RDX: variants seen among roughly 807,000 people sequenced by gnomAD.
The protein encoded by RDX is deafness, autosomal recessive 24.
A neutral mutation model predicts 83.7 loss-of-function variants in RDX; 32 were observed. The observed-to-expected ratio is 0.38, with a 90% CI of 0.29 to 0.51. The LOEUF is 0.51. Ranked by LOEUF, RDX falls within the 20% of genes least tolerant of loss-of-function variation. The probability of loss-of-function intolerance (pLI) is 0.87; values close to 1 mark genes in which losing one functional copy is unlikely to be tolerated. For synonymous variants in RDX, 229 were observed against 222.7 expected (o/e 1.03, Z -0.25); for missense variants, 600 against 689.9 (o/e 0.87, Z 1.46).
intron 9 of RDX, among the ~76,000 whole-genome samples, chr11:110,251,644 T>G (rs1410794324): frequency 6.6e-6 from 1 of 152,210 alleles, no homozygotes; most frequent in Non-Finnish European, 1.5e-5. Context: ...GGTATGTAAC[T>G]CTAAACTGTA....
chr11:110,208,939 A>C (rs779790338), intron 14 of RDX, among the ~76,000 whole-genome samples: 2 of 152,222 alleles, frequency 1.3e-5, no homozygotes, highest in Non-Finnish European at 2.9e-5. Flanking sequence ...CTGGGCAACA[A>C]GAGCAAAACT....
At chr11:110,246,769 C>T (rs1041299084) in intron 10 of RDX, among the ~76,000 whole-genome samples, 2 of 151,588 alleles carry the variant, frequency 1.3e-5, no homozygotes, top group Admixed American at 6.6e-5. Flanking sequence ...AAAAAAGCTC[C>T]GATTTTGGAT....
chr11:110,281,172 CAAAAA>C (rs1241449130), intron 1 of RDX, among the ~76,000 whole-genome samples: 2 of 151,348 alleles, frequency 1.3e-5, no homozygotes, highest in Non-Finnish European at 2.9e-5. Flanking sequence ...TTCTAAAAAA[CAAAAA>C]AAGAAAAGAT....
chr11:110,230,994 T>C lies in RDX; in HGVS notation c.*875A>G, dbSNP rs1323933862. 2 of 152,618 alleles carry C rather than the reference T, an allele frequency of 1.3e-5. No homozygotes were observed. The highest frequency in any genetic ancestry group is 2.9e-5 in the Non-Finnish European group (2 of 68,032). The allele number at this position is 152,618 out of a possible 1,614,324, so 9.5% of individuals were successfully genotyped here. On this transcript the variant is annotated 3_prime_UTR_variant, in exon 14 of 14. Coordinates refer to ENST00000645495, the MANE Select transcript of RDX (RefSeq NM_002906.4). ...AACATTAGTTACCAACAAATGTATA[T>C]TTTCTTTTTTTAACTAATCATTTGT... is the stretch of plus-strand genomic sequence containing the variant.
At chr11:110,277,731 T>C (rs1175130741) in intron 2 of RDX, among the ~76,000 whole-genome samples, 1 of 152,212 alleles carries the variant, frequency 6.6e-6, no homozygotes. Context: ...GAACTTTATA[T>C]GGCAATTATT....
At chr11:110,224,327 A>G (rs1390225244) in intron 14 of RDX, among the ~76,000 whole-genome samples, 1 of 152,208 alleles carries the variant, frequency 6.6e-6, no homozygotes, top group Non-Finnish European at 1.5e-5. Flanking sequence ...TATTGTTATA[A>G]GCATTATTCT....
intron 1 of RDX, among the ~76,000 whole-genome samples, chr11:110,290,658 G>A (rs545860106): frequency 5.9e-5 from 9 of 152,224 alleles, no homozygotes; most frequent in East Asian, 1.9e-4. Context: ...CCAAATGTAC[G>A]ACTGACATCT....
chr11:110,255,636 TA>T (rs1158986998), intron 7 of RDX, among the ~76,000 whole-genome samples: 1 of 152,156 alleles, frequency 6.6e-6, no homozygotes, highest in Admixed American at 6.5e-5. Context: ...TAAAATTATC[TA>T]AAAAAACTAC....
chr11:110,288,932 T>C (rs532465716), intron 1 of RDX, among the ~76,000 whole-genome samples: 102 of 151,984 alleles, frequency 6.7e-4, no homozygotes, highest in Non-Finnish European at 1.1e-3. Flanking sequence ...AACATGAACA[T>C]GGGGAACAAA....
chr11:110,268,132 ACTCTGT>A (rs1305973642), intron 3 of RDX, among the ~76,000 whole-genome samples: 2 of 151,950 alleles, frequency 1.3e-5, no homozygotes, highest in African/African-American at 4.8e-5. Context: ...ACATGGTGAC[ACTCTGT>A]CTCTACTAAA....
intron 14 of RDX, among the ~76,000 whole-genome samples, chr11:110,203,178 A>G (rs1863476720): frequency 6.6e-6 from 1 of 152,234 alleles, no homozygotes; most frequent in Non-Finnish European, 1.5e-5. Context: ...CTATTCAGCC[A>G]TAAAGAATAA....
chr11:110,179,413 C>T (rs1458631735), intron 15 of RDX, among the ~76,000 whole-genome samples: 1 of 152,180 alleles, frequency 6.6e-6, no homozygotes, highest in Non-Finnish European at 1.5e-5. Flanking sequence ...GATGTTAAGG[C>T]CCCATCTTCC....
chr11:110,263,913 A>G (rs769065542), intron 5 of RDX, 47 bp downstream of exon 5: 1 of 1,548,112 alleles, frequency 6.5e-7, no homozygotes, highest in Admixed American at 1.7e-5. Flanking sequence ...ATAGACTTCT[A>G]GAATACAATT....
At chr11:110,240,342 G>T (rs901158404) in intron 10 of RDX, among the ~76,000 whole-genome samples, 2 of 152,104 alleles carry the variant, frequency 1.3e-5, no homozygotes, top group African/African-American at 4.8e-5. Flanking sequence ...ATCTCATAAA[G>T]ATAAATAAAC....
intron 2 of RDX, 79 bp from the exon 3 acceptor site, chr11:110,272,698 A>T: frequency 1.1e-6 from 1 of 919,882 alleles, no homozygotes; most frequent in Non-Finnish European, 1.7e-6. Flanking sequence ...TTCTTTATTA[A>T]AGTGATAAAG....
chr11:110,205,082 A>C (rs942255514), intron 14 of RDX, among the ~76,000 whole-genome samples: 13 of 152,218 alleles, frequency 8.5e-5, no homozygotes, highest in Non-Finnish European at 1.6e-4. Flanking sequence ...GCAACAGATG[A>C]GAGTATAACA....
intron 10 of RDX, among the ~76,000 whole-genome samples, chr11:110,240,124 A>G (rs1865024054): frequency 6.6e-6 from 1 of 152,232 alleles, no homozygotes; most frequent in Admixed American, 6.5e-5. Context: ...TTGCAGCACT[A>G]TTCACAATGG....
At chr11:110,189,599 C>A (rs767515379) in intron 15 of RDX, among the ~76,000 whole-genome samples, 1 of 152,108 alleles carries the variant, frequency 6.6e-6, no homozygotes, top group African/African-American at 2.4e-5. Flanking sequence ...ATTGACCACA[C>A]GCTCAGCCAA....
In RDX at chr11:110,230,584, A is replaced by ACACG. The variant is rs2134294144; in HGVS notation, c.*1284_*1285insCGTG. 1 of 57,300 alleles carries ACACG rather than the reference A, an allele frequency of 1.7e-5. No individual in the cohort carries two copies. The highest frequency in any genetic ancestry group is 5.3e-5 in the African/African-American group (1 of 18,706). 3.5% of individuals were successfully genotyped at this position (57,300 alleles called of 1,614,324 possible). On this transcript the variant is annotated 3_prime_UTR_variant, in exon 14 of 14. Coordinates refer to ENST00000645495, the MANE Select transcript of RDX (RefSeq NM_002906.4). ...TCTCTCATACACACACAGAGTACAC[A>ACACG]CACACACACACACACACACACACAC... is the stretch of plus-strand genomic sequence containing the variant.
Sources: gnomAD v4.1 joint callset for allele counts (sites outside exome capture counted in the v4.1 genomes callset) on GRCh38, gnomAD v4.1.1 for gene constraint, MANE v1.5 for transcripts, NCBI Gene and HGNC (gene_info 2026-07-23, HGNC 2026-07-21) for gene names.